The following ZFYVE16 variants were observed in gnomAD, a reference collection of about 807,000 sequenced individuals.
ZFYVE16 encodes zinc finger FYVE domain-containing protein 16.
ZFYVE16 carries 89 observed loss-of-function variants against 138.1 expected under a neutral mutation model. The observed-to-expected ratio is 0.64, with a 90% CI of 0.54 to 0.77. The LOEUF (loss-of-function observed/expected upper bound fraction) is 0.77. Among genes scored for constraint, ZFYVE16 ranks in the 30% least tolerant of loss-of-function variants. The probability of loss-of-function intolerance (pLI) is 0.00; values close to 1 mark genes in which losing one functional copy is unlikely to be tolerated. For synonymous variants in ZFYVE16, 596 were observed against 618.3 expected (o/e 0.96, Z 0.53); for missense variants, 1,793 against 1,786.7 (o/e 1.00, Z -0.06).
chr5:80,470,097 G>A (rs62365314), intron 15 of ZFYVE16, among the ~76,000 whole-genome samples: 94,798 of 123,330 alleles, frequency 0.77, 38,688 homozygotes, highest in East Asian at 0.9. Context: ...GTGTGTGTGT[G>A]TGTATTTTTT....
At chr5:80,410,664 G>A (rs769235068) in intron 1 of ZFYVE16, among the ~76,000 whole-genome samples, 45 of 151,452 alleles carry the variant, frequency 3.0e-4, no homozygotes, top group Non-Finnish European at 5.7e-4. Flanking sequence ...TCTGCCTCCC[G>A]GGTTCAAGGG....
chr5:80,421,841 T>C (rs2112224525), intron 1 of ZFYVE16, among the ~76,000 whole-genome samples: 1 of 152,304 alleles, frequency 6.6e-6, no homozygotes, highest in South Asian at 2.1e-4. Flanking sequence ...AGAAAGTCAT[T>C]GGTAGCTTGA....
chr5:80,430,900 A>G (rs1748905098), intron 2 of ZFYVE16, among the ~76,000 whole-genome samples: 4 of 152,212 alleles, frequency 2.6e-5, no homozygotes, highest in Non-Finnish European at 1.5e-5. Context: ...AAGAAGTTGA[A>G]TCTCTGAATA....
rs959543319 is a variant in ZFYVE16, at chr5:80,457,230, C to T, written c.3943+138C>T. 10 of 1,277,360 alleles carry T rather than the reference C, an allele frequency of 7.8e-6. No homozygotes were observed. The Admixed American group carries it at 1.9e-4, about 25-fold the overall frequency. 79.1% of individuals were successfully genotyped at this position (1,277,360 alleles called of 1,614,324 possible). ...ACAATATGTTTTGAAATTTCAGCTACACAACAGATTTTAAAATTGCTTCTA... is the reference window on the plus strand; with the variant it reads ...ACAATATGTTTTGAAATTTCAGCTATACAACAGATTTTAAAATTGCTTCTA... On this transcript the variant is annotated intron_variant, in intron 14 of 18. Coordinates refer to ENST00000505560, the MANE Select transcript of ZFYVE16 (RefSeq NM_001284236.3).
intron 1 of ZFYVE16, among the ~76,000 whole-genome samples, chr5:80,418,073 T>A (rs1028266476): frequency 1.3e-5 from 2 of 152,200 alleles, no homozygotes; most frequent in African/African-American, 2.4e-5. Context: ...TTATTTTCCA[T>A]CCTTATATCT....
At chr5:80,417,374 A>G (rs550609428) in intron 1 of ZFYVE16, among the ~76,000 whole-genome samples, 1 of 152,200 alleles carries the variant, frequency 6.6e-6, no homozygotes, top group African/African-American at 2.4e-5. Context: ...CTCCTAAATA[A>G]TTTTTTGAAA....
chr5:80,456,309 G>A, intron 12 of ZFYVE16, 152 bp from the exon 13 acceptor site: 1 of 560,174 alleles, frequency 1.8e-6, no homozygotes, highest in Admixed American at 3.9e-5. Context: ...TGGAAGTTCT[G>A]TAACTAGAAA....
chr5:80,459,666 C>T (rs1726577487), intron 15 of ZFYVE16, among the ~76,000 whole-genome samples, 172 bp downstream of exon 15: 2 of 151,960 alleles, frequency 1.3e-5, no homozygotes, highest in Middle Eastern at 3.2e-3. Context: ...CTCTCTTCTG[C>T]GTCTCCCCAG....
intron 1 of ZFYVE16, among the ~76,000 whole-genome samples, chr5:80,416,875 C>T (rs915174620): frequency 6.6e-6 from 1 of 151,964 alleles, no homozygotes; most frequent in African/African-American, 2.4e-5. Context: ...GCTTCTAGGC[C>T]CTCTAAGCTG....
chr5:80,474,220 G>A (rs1754669880), intron 17 of ZFYVE16, among the ~76,000 whole-genome samples: 1 of 151,296 alleles, frequency 6.6e-6, no homozygotes, highest in African/African-American at 2.4e-5. Context: ...TCATGTTTTA[G>A]TTTTTTTTTA....
intron 6 of ZFYVE16, among the ~76,000 whole-genome samples, chr5:80,444,783 T>G (rs1751114758): frequency 6.6e-6 from 1 of 151,930 alleles, no homozygotes; most frequent in Admixed American, 6.6e-5. Context: ...AATATATAGA[T>G]AAGCAATATA....
At chr5:80,435,648 A>C (rs1446240424) in intron 3 of ZFYVE16, 3 of 361,524 alleles carry the variant, frequency 8.3e-6, no homozygotes, top group African/African-American at 6.5e-5. Flanking sequence ...AGCTCACTGC[A>C]GCCTTGAATT....
chr5:80,442,481 G>A (rs1380031140), intron 5 of ZFYVE16, among the ~76,000 whole-genome samples: 2 of 152,154 alleles, frequency 1.3e-5, no homozygotes, highest in East Asian at 1.9e-4. Context: ...AGTCTTGAAG[G>A]AAGTGAGATA....
intron 15 of ZFYVE16, among the ~76,000 whole-genome samples, chr5:80,471,341 T>G (rs1754356587): frequency 6.6e-6 from 1 of 152,216 alleles, no homozygotes; most frequent in Admixed American, 6.5e-5. Context: ...TAATCACAGG[T>G]TATGGAAAGA....
At chr5:80,447,255 A>G (rs1350708292) in intron 7 of ZFYVE16, among the ~76,000 whole-genome samples, 1 of 113,720 alleles carries the variant, frequency 8.8e-6, no homozygotes, top group African/African-American at 3.2e-5. Context: ...CAACAGGGTG[A>G]GACTCCATCT....
Position 80,455,690 on chromosome 5 carries a change from A to G in ZFYVE16, c.3608-2A>G. Reference sequence around the variant, plus strand: ...TAACCAGTTTTCCTTTCTTATGTATAGCATATCCTGCTCCTCTAACAAGCA... The same window carrying G: ...TAACCAGTTTTCCTTTCTTATGTATGGCATATCCTGCTCCTCTAACAAGCA... On this transcript the variant is annotated splice_acceptor_variant, in intron 11 of 18. Coordinates refer to ENST00000505560, the MANE Select transcript of ZFYVE16 (RefSeq NM_001284236.3). LOFTEE classifies it high-confidence loss of function. 6.2e-7 allele frequency: 1 copy of G among 1,606,496 alleles called. No homozygotes were observed. Among genetic ancestry groups the G allele is most frequent in the South Asian group, 1.1e-5 (1 of 89,126 alleles).
rs770115646 is a variant in ZFYVE16 at position 80,451,667 on chromosome 5, T to G, written c.3565T>G (p.Phe1189Val). The change falls in exon 11 of 19, where the codon TTT becomes GTT. Residue 1189 changes from phenylalanine (F) to valine (V), a missense_variant. Transcript: ENST00000505560. The part of the protein sequence containing the change: ...QKLEIPWAKV[F>V]PMRLMLRLGA... ...GCTTGAGATTCCCTGGGCAAAGGTT[T>G]TTCCTATGCGTTTAATGTTGAGATT... The G allele has an allele frequency of 1.2e-6, 2 of 1,613,930 alleles. No homozygotes were observed. The highest frequency in any genetic ancestry group is 3.3e-5 in the Admixed American group (2 of 60,010).
intron 1 of ZFYVE16, among the ~76,000 whole-genome samples, chr5:80,421,089 G>A (rs1367077872): frequency 1.3e-5 from 2 of 152,204 alleles, no homozygotes; most frequent in Non-Finnish European, 1.5e-5. Flanking sequence ...CTACATAAAT[G>A]TCTTCTTTTG....
chr5:80,431,791 A>G (rs1237743335), intron 2 of ZFYVE16, among the ~76,000 whole-genome samples: 2 of 152,214 alleles, frequency 1.3e-5, no homozygotes, highest in East Asian at 1.9e-4. Flanking sequence ...TTAAACACCA[A>G]TAACAGATAA....
Sources: allele counts gnomAD v4.1 joint callset (sites outside exome capture counted in the v4.1 genomes callset), GRCh38; gene constraint gnomAD v4.1.1; transcripts MANE v1.5; gene names NCBI Gene and HGNC (gene_info 2026-07-23, HGNC 2026-07-21).